The following KRT76 variants were observed in gnomAD, a reference collection of about 807,000 sequenced individuals.
KRT76 encodes keratin, type II cytoskeletal 2 oral.
In KRT76, 47 loss-of-function variants were observed where a neutral mutation model predicts 44.9. That is an observed-to-expected ratio of 1.05 (90% CI 0.83 to 1.33). The LOEUF (loss-of-function observed/expected upper bound fraction) is 1.33. Among genes scored for constraint, KRT76 ranks in the 40% most tolerant of loss-of-function variants. KRT76 has a pLI of 0.00. For synonymous variants in KRT76, 331 were observed against 294.1 expected, an observed-to-expected ratio of 1.13 and a Z score of -1.28; for missense variants, 860 against 775.8, an observed-to-expected ratio of 1.11 and a Z score of -1.29.
At chr12:52,776,547 G>T in intron 1 of KRT76, 145 bp downstream of exon 1, 1 of 1,296,850 alleles carries the variant, frequency 7.7e-7, no homozygotes. Context: ...AAAGGGGCAT[G>T]ATCACTGTCC....
Position 52,777,026 on chromosome 12 carries a change from C to G in KRT76, c.266G>C (p.Gly89Ala), listed in dbSNP as rs536179360. 1.2e-5 allele frequency: 20 copies of G among 1,613,962 alleles called. No homozygotes were observed. Among genetic ancestry groups the G allele is most frequent in the South Asian group, 1.2e-4 (11 of 91,088 alleles). Residue 89 changes from glycine (G) to alanine (A), a missense_variant, in exon 1 of 9, where the codon GGC (glycine) becomes GCC (alanine). Transcript: ENST00000332411. ...GCCACCTCCATAGCCACCTGCAAAG[C>G]CACAGCTGCTCCGCCCTCCCCCAAA... ...GGFGGGRSSC[G>A]FAGGYGGGFG...
intron 1 of KRT76, 133 bp from the exon 2 acceptor site, chr12:52,775,735 A>C (rs1939252727): frequency 1.5e-6 from 1 of 687,754 alleles, no homozygotes; most frequent in Admixed American, 2.8e-5. Flanking sequence ...TAATTTGGGA[A>C]GGATGAAGAT....
intron 7 of KRT76, among the ~76,000 whole-genome samples, chr12:52,770,296 G>T (rs953174962): frequency 6.6e-6 from 1 of 152,086 alleles, no homozygotes; most frequent in Non-Finnish European, 1.5e-5. Flanking sequence ...CATCAGATTG[G>T]GAGCTACCCA....
rs111275941 is a variant in KRT76 at position 52,768,310 on chromosome 12, G to A, written c.*403C>T. 1.1e-3 allele frequency: 190 copies of A among 166,306 alleles called. No homozygotes were observed. The highest frequency in any genetic ancestry group is 3.5e-3 in the African/African-American group (146 of 42,030). The allele number at this position is 166,306 out of a possible 1,614,324, so 10.3% of individuals were successfully genotyped here. A position where few individuals can be genotyped will look rare whatever the true frequency, so the allele number is the denominator to read the frequency against. On this transcript the variant is annotated 3_prime_UTR_variant, in exon 9 of 9. Coordinates refer to ENST00000332411, the MANE Select transcript of KRT76 (RefSeq NM_015848.4). The stretch of plus-strand genomic sequence containing the variant: ...AACCAGCAGTCTGGAGATCTTGGCC[G>A]TGCACCCTCCAGCACAGAACCCATG...
Position 52,773,628 on chromosome 12 carries a change from A to G in KRT76, c.830T>C (p.Ile277Thr), listed in dbSNP as rs1366229082. ...EDFKKKYEDEINKRTAAENEF... is the reference protein window; with the variant it reads ...EDFKKKYEDETNKRTAAENEF... ...ATTCTCTGCGGCAGTGCGTTTGTTGATTTCATCTTCATACCTGGAACAAGA... is the reference window on the plus strand; with the variant it reads ...ATTCTCTGCGGCAGTGCGTTTGTTGGTTTCATCTTCATACCTGGAACAAGA... Residue 277 changes from isoleucine to threonine, a missense_variant, in exon 3 of 9, where the codon ATC becomes ACC. By Grantham distance (89) the Ile-to-Thr change is moderately conservative. Transcript: ENST00000332411. 1.9e-6 allele frequency: 3 copies of G among 1,613,100 alleles called. No homozygotes were observed. Among genetic ancestry groups the G allele is most frequent in the Middle Eastern group, 1.7e-4 (1 of 6,058 alleles).
intron 1 of KRT76, 65 bp from the exon 2 acceptor site, chr12:52,775,667 A>G (rs1377122352): frequency 2.3e-6 from 3 of 1,322,416 alleles, no homozygotes; most frequent in Non-Finnish European, 3.2e-6. Context: ...TGCCCATCCC[A>G]AATGTAGAAC....
Position 52,777,081 on chromosome 12 carries a change from C to T in KRT76, c.211G>A (p.Val71Met), listed in dbSNP as rs371597584. The T allele has an allele frequency of 1.1e-4, 174 of 1,614,256 alleles. 2 individuals are homozygous for T. In the East Asian group the frequency reaches 3.4e-3, roughly 32 times the overall value. ...LGSNKSISIS[V>M]AAGSSRAGGF... is the part of the protein sequence containing the mutation. ...CCAGCCCGGGAGCTGCCAGCTGCCA[C>T]GCTGATGGAGATGCTCTTGTTGCTG... The change falls in exon 1 of 9, where the codon GTG becomes ATG. Residue 71 changes from valine to methionine, a missense_variant. By Grantham distance (21) the Val-to-Met change is conservative. Transcript: ENST00000332411.
rs559709444 is a variant in KRT76 at position 52,775,648 on chromosome 12, A to G, written c.601-46T>C. On this transcript the variant is annotated intron_variant, in intron 1 of 8. Transcript: ENST00000332411. ...AAGGAGTCAGCCCCTTGAGTTGGGC[A>G]TGTGGGGCTGCCCATCCCAAATGTA... 3 of 1,506,532 alleles carry G rather than the reference A, an allele frequency of 2.0e-6. No individual in the cohort carries two copies. The African/African-American group carries it at 4.1e-5, about 21-fold the overall frequency. 93.3% of individuals were successfully genotyped at this position (1,506,532 alleles called of 1,614,324 possible).
chr12:52,775,613 G>C lies in KRT76; in HGVS notation c.601-11C>G. The C allele has an allele frequency of 3.1e-6, 5 of 1,611,464 alleles. No individual in the cohort carries two copies. Among genetic ancestry groups the C allele is most frequent in the Non-Finnish European group, 4.2e-6 (5 of 1,178,838 alleles). On this transcript the variant is annotated splice_polypyrimidine_tract_variant and intron_variant, in intron 1 of 8. Coordinates refer to ENST00000332411, the MANE Select transcript of KRT76 (RefSeq NM_015848.4). Reference sequence around the variant, plus strand: ...TTCCAGGAACCGCACCTGCATGAAAGAGGGGAGAAAAGGAGTCAGCCCCTT... The same window carrying C: ...TTCCAGGAACCGCACCTGCATGAAACAGGGGAGAAAAGGAGTCAGCCCCTT...
intron 7 of KRT76, 49 bp from the exon 8 acceptor site, chr12:52,769,632 C>T (rs917581183): frequency 6.4e-7 from 1 of 1,557,810 alleles, no homozygotes; most frequent in Non-Finnish European, 8.9e-7. Context: ...AGTCAATAAC[C>T]AAAGAGTTGA....
rs1470474006 is a variant in KRT76, at chr12:52,768,534, C to G, written c.*179G>C. 1.5e-6 allele frequency: 1 copy of G among 650,236 alleles called. No individual in the cohort carries two copies. The highest frequency in any genetic ancestry group is 2.7e-5 in the Admixed American group (1 of 37,130). 40.3% of individuals were successfully genotyped at this position (650,236 alleles called of 1,614,324 possible). A position where few individuals can be genotyped will look rare whatever the true frequency, so the allele number is the denominator to read the frequency against. On this transcript the variant is annotated 3_prime_UTR_variant, in exon 9 of 9. Coordinates refer to ENST00000332411, the MANE Select transcript of KRT76 (RefSeq NM_015848.4). ...TCATCATCCCAGACCAGCAGCAGGA[C>G]CTCCATGGCCCTGGGAAGGTCATGG...
rs367766103 is a variant in KRT76 at position 52,769,534 on chromosome 12, G to A, written c.1519+15C>T. On this transcript the variant is annotated intron_variant, in intron 8 of 8. Transcript: ENST00000332411. ...TTACAACCCAGGGAGAGGGTTTTTT[G>A]AATGGGCTACTTACAAATGCACACG... 52 of 1,611,588 alleles carry A rather than the reference G, an allele frequency of 3.2e-5. No homozygotes were observed. The highest frequency in any genetic ancestry group is 5.0e-5 in the Admixed American group (3 of 59,940).
chr12:52,769,423 G>GA (rs1463702049), intron 8 of KRT76, 126 bp downstream of exon 8: 1 of 801,478 alleles, frequency 1.2e-6, no homozygotes, highest in African/African-American at 1.7e-5. Flanking sequence ...TGAGATCCTA[G>GA]ACGCTGTCAG....
At chr12:52,769,727 G>T in intron 7 of KRT76, 144 bp from the exon 8 acceptor site, 1 of 698,680 alleles carries the variant, frequency 1.4e-6, no homozygotes, top group South Asian at 1.7e-5. Flanking sequence ...TTCCAAGTCT[G>T]TTTCCATGAC....
intron 2 of KRT76, 119 bp from the exon 3 acceptor site, chr12:52,773,761 C>G (rs1477934942): frequency 3.0e-6 from 2 of 664,612 alleles, no homozygotes; most frequent in East Asian, 2.7e-5. Flanking sequence ...TGGGCACGTG[C>G]AGTTACACAG....
Position 52,777,234 on chromosome 12 carries a change from G to T in KRT76, c.58C>A (p.Arg20Ser), listed in dbSNP as rs370699675. Residue 20 changes from arginine to serine, a missense_variant, in exon 1 of 9, where the codon CGC becomes AGC. By Grantham distance (110) the Arg-to-Ser change is moderately radical. Coordinates refer to ENST00000332411, the MANE Select transcript of KRT76 (RefSeq NM_015848.4). The part of the protein sequence containing the change: ...FSGRSQGFSG[R>S]SAVVSGSSRM... ...CTGCTGCCGGAGACCACAGCAGAGC[G>T]GCCAGAGAAACCCTGGCTCCTGCCA... The T allele has an allele frequency of 1.1e-5, 18 of 1,614,074 alleles. No homozygotes were observed. The African/African-American group carries it at 2.3e-4, about 20-fold the overall frequency.
At chr12:52,773,431 T>A in intron 3 of KRT76, 151 bp downstream of exon 3, 1 of 544,346 alleles carries the variant, frequency 1.8e-6, no homozygotes, top group Admixed American at 3.1e-5. Flanking sequence ...GCTTCCTTCA[T>A]GAAACATTTC....
intron 6 of KRT76, 113 bp downstream of exon 6, chr12:52,771,758 C>T (rs999751954): frequency 7.5e-7 from 1 of 1,334,588 alleles, no homozygotes; most frequent in African/African-American, 1.5e-5. Context: ...CGCTATCCCA[C>T]ATGTGACACC....
At chr12:52,772,917 T>C in intron 3 of KRT76, 39 bp from the exon 4 acceptor site, 1 of 1,451,858 alleles carries the variant, frequency 6.9e-7, no homozygotes, top group Non-Finnish European at 9.7e-7. Flanking sequence ...TGACCCTCTG[T>C]TCCCCTCCCA....
Sources: allele counts gnomAD v4.1 joint callset (sites outside exome capture counted in the v4.1 genomes callset), GRCh38; gene constraint gnomAD v4.1.1; transcripts MANE v1.5; gene names NCBI Gene and HGNC (gene_info 2026-07-23, HGNC 2026-07-21).